UNC5D: variants seen among roughly 807,000 people sequenced by gnomAD.
UNC5D encodes the protein unc-5 netrin receptor D, also known as netrin receptor UNC5D.
UNC5D carries 39 observed loss-of-function variants against 105.4 expected under a neutral mutation model. That is an observed-to-expected ratio of 0.37 (90% CI 0.29 to 0.48). The LOEUF is 0.48. Among genes scored for constraint, UNC5D ranks in the 20% least tolerant of loss-of-function variants. The pLI, the probability that UNC5D is intolerant of heterozygous loss-of-function variation, is 0.98. For missense variants in UNC5D, 991 were observed against 1,202.4 expected, an observed-to-expected ratio of 0.82 and a Z score of 2.60; for synonymous variants, 452 against 450.4, an observed-to-expected ratio of 1.00 and a Z score of -0.04.
rs887473375 is a variant in UNC5D, at chr8:35,794,228, T to C, written c.*3665T>C. Reference sequence around the variant, plus strand: ...AGTCCCTCTGCCCTCTGTAAATGTGTTGAGTGATATAGCTATCAGATGTAT... The same window carrying C: ...AGTCCCTCTGCCCTCTGTAAATGTGCTGAGTGATATAGCTATCAGATGTAT... On this transcript the variant is annotated 3_prime_UTR_variant, in exon 17 of 17. Transcript: ENST00000404895. 1 of 152,166 alleles carries C rather than the reference T, an allele frequency of 6.6e-6. No homozygotes were observed. Among genetic ancestry groups the C allele is most frequent in the Non-Finnish European group, 1.5e-5 (1 of 68,028 alleles). The allele number at this position is 152,166 out of a possible 1,614,324, so 9.4% of individuals were successfully genotyped here.
intron 1 of UNC5D, among the ~76,000 whole-genome samples, chr8:35,448,027 T>TACC (rs1402577826): frequency 7.9e-5 from 12 of 152,250 alleles, no homozygotes; most frequent in Non-Finnish European, 1.6e-4. Context: ...CCTCCCATCC[T>TACC]ACCACCGCCT....
At chr8:35,615,172 G>A (rs190518221) in intron 4 of UNC5D, among the ~76,000 whole-genome samples, 11 of 152,226 alleles carry the variant, frequency 7.2e-5, no homozygotes, top group Admixed American at 2.0e-4. Flanking sequence ...CCAGGAGGTT[G>A]AGGCTGTAGC....
intron 9 of UNC5D, chr8:35,724,166 C>T: frequency 2.1e-6 from 3 of 1,460,350 alleles, no homozygotes; most frequent in Non-Finnish European, 1.8e-6. Context: ...TACACTTAAA[C>T]TCAACTTATG....
At chr8:35,691,367 G>A (rs913333544) in intron 7 of UNC5D, among the ~76,000 whole-genome samples, 27 of 152,100 alleles carry the variant, frequency 1.8e-4, no homozygotes, top group African/African-American at 6.5e-4. Context: ...CATGCCTGTA[G>A]TCCCAGCTAT....
At chr8:35,360,916 T>C (rs532231922) in intron 1 of UNC5D, among the ~76,000 whole-genome samples, 4 of 152,314 alleles carry the variant, frequency 2.6e-5, no homozygotes, top group African/African-American at 9.6e-5. Flanking sequence ...TGGAACACTA[T>C]TGCAAAATTA....
At chr8:35,462,576 T>C (rs1307697014) in intron 1 of UNC5D, among the ~76,000 whole-genome samples, 1 of 151,956 alleles carries the variant, frequency 6.6e-6, no homozygotes, top group Admixed American at 6.5e-5. Context: ...CCAGTGATCA[T>C]CAAAATATTC....
intron 2 of UNC5D, among the ~76,000 whole-genome samples, chr8:35,556,618 G>T (rs570403417): frequency 6.6e-6 from 1 of 152,210 alleles, no homozygotes; most frequent in Non-Finnish European, 1.5e-5. Flanking sequence ...TACAATGCTT[G>T]TATATGTGGG....
chr8:35,602,552 A>G lies in UNC5D; in HGVS notation c.570+6895A>G, dbSNP rs533671675. Among the ~76,000 whole-genome samples, 469 of 152,226 alleles carry G rather than the reference A, an allele frequency of 3.1e-3. 6 individuals are homozygous for G. The highest frequency in any genetic ancestry group is 0.011 in the African/African-American group (457 of 41,526). Reference sequence around the variant, plus strand: ...GGAGAGCGTATGTGTCGAGGAATTTATCCATTTCTTCTAGATTTTCTAGTT... The same window carrying G: ...GGAGAGCGTATGTGTCGAGGAATTTGTCCATTTCTTCTAGATTTTCTAGTT... On this transcript the variant is annotated intron_variant, in intron 4 of 16. Coordinates refer to ENST00000404895, the MANE Select transcript of UNC5D (RefSeq NM_080872.4).
intron 1 of UNC5D, among the ~76,000 whole-genome samples, chr8:35,312,642 C>T (rs1261047598): frequency 6.6e-6 from 1 of 152,124 alleles, no homozygotes; most frequent in Non-Finnish European, 1.5e-5. Context: ...CAATAGGCTT[C>T]ATAACAACTG....
At chr8:35,724,877 C>A (rs191605473) in intron 9 of UNC5D, among the ~76,000 whole-genome samples, 5 of 152,272 alleles carry the variant, frequency 3.3e-5, no homozygotes, top group Admixed American at 2.6e-4. Context: ...TCAGTGCAGA[C>A]CTGCTAGAAA....
chr8:35,611,908 G>A (rs762833957), intron 4 of UNC5D, among the ~76,000 whole-genome samples: 2 of 152,164 alleles, frequency 1.3e-5, no homozygotes, highest in African/African-American at 4.8e-5. Flanking sequence ...GTTTTCCACA[G>A]ATTAAAATTG....
chr8:35,697,726 A>C (rs1377100255), intron 7 of UNC5D, among the ~76,000 whole-genome samples: 1 of 152,138 alleles, frequency 6.6e-6, no homozygotes, highest in Non-Finnish European at 1.5e-5. Flanking sequence ...TTATTGTTCT[A>C]GGTACTGGAA....
intron 1 of UNC5D, among the ~76,000 whole-genome samples, chr8:35,317,086 G>T (rs1809364046): frequency 6.6e-6 from 1 of 152,066 alleles, no homozygotes. Context: ...AAGATATTGA[G>T]GATCAAAACA....
intron 4 of UNC5D, among the ~76,000 whole-genome samples, chr8:35,607,223 G>A (rs2130958954): frequency 6.6e-6 from 1 of 152,302 alleles, no homozygotes; most frequent in South Asian, 2.1e-4. Context: ...AGATGTATCA[G>A]AAAGCACGTT....
At chr8:35,481,119 T>C (rs1810453225) in intron 1 of UNC5D, among the ~76,000 whole-genome samples, 1 of 152,216 alleles carries the variant, frequency 6.6e-6, no homozygotes, top group African/African-American at 2.4e-5. Context: ...ATTGACTTTA[T>C]TTGCTTTCTA....
At chr8:35,284,251 T>A (rs1806418303) in intron 1 of UNC5D, among the ~76,000 whole-genome samples, 1 of 152,244 alleles carries the variant, frequency 6.6e-6, no homozygotes, top group East Asian at 1.9e-4. Flanking sequence ...TATTAACTAA[T>A]AGCAAGTGTT....
At chr8:35,442,238 C>T (rs1302033768) in intron 1 of UNC5D, among the ~76,000 whole-genome samples, 1 of 151,746 alleles carries the variant, frequency 6.6e-6, no homozygotes, top group Admixed American at 6.6e-5. Flanking sequence ...TCCTTCATAA[C>T]CTTGCTGCCA....
intron 1 of UNC5D, among the ~76,000 whole-genome samples, chr8:35,375,293 C>T (rs890550764): frequency 6.6e-6 from 1 of 152,076 alleles, no homozygotes; most frequent in Non-Finnish European, 1.5e-5. Context: ...TTAAAGGCAC[C>T]AAGATAATTA....
At chr8:35,575,948 G>A (rs1282220287) in intron 3 of UNC5D, among the ~76,000 whole-genome samples, 8 of 152,096 alleles carry the variant, frequency 5.3e-5, no homozygotes, top group Non-Finnish European at 1.2e-4. Flanking sequence ...TAGCCAAGAT[G>A]CACACTCTAG....
Sources: allele counts gnomAD v4.1 joint callset (sites outside exome capture counted in the v4.1 genomes callset), GRCh38; gene constraint gnomAD v4.1.1; transcripts MANE v1.5; gene names NCBI Gene and HGNC (gene_info 2026-07-23, HGNC 2026-07-21).